The following ZNF860 variants were observed in gnomAD, a reference collection of about 807,000 sequenced individuals.
The protein encoded by ZNF860 is zinc finger protein 860.
For synonymous variants in ZNF860, 206 were observed against 248.9 expected (o/e 0.83, Z 1.62); for missense variants, 641 against 759.2 (o/e 0.84, Z 1.83).
chr3:31,992,382 G>A (rs181628362), downstream of ZNF860, among the ~76,000 whole-genome samples: 17 of 152,114 alleles, frequency 1.1e-4, no homozygotes, highest in Non-Finnish European at 1.6e-4. Context: ...TTATTTTACC[G>A]TTCTGGCAGT....
chr3:32,000,816 A>T, the ZNF860 span, among the ~76,000 whole-genome samples: 2 of 152,174 alleles, frequency 1.3e-5, no homozygotes, highest in Non-Finnish European at 2.9e-5. Context: ...GACTCCGGCC[A>T]TGCGGTTCAC....
chr3:31,998,494 T>C, the ZNF860 span, among the ~76,000 whole-genome samples: 1 of 152,234 alleles, frequency 6.6e-6, no homozygotes, highest in South Asian at 2.1e-4. Context: ...TCACAACTAC[T>C]GTATATTAAC....
At chr3:31,985,236 C>T (rs983752418) in intron 1 of ZNF860, among the ~76,000 whole-genome samples, 3 of 152,130 alleles carry the variant, frequency 2.0e-5, no homozygotes, top group African/African-American at 7.2e-5. Flanking sequence ...AAGACTCCAT[C>T]TCAAAAAATG....
At chr3:32,006,206 A>T in the ZNF860 span, among the ~76,000 whole-genome samples, 1 of 152,146 alleles carries the variant, frequency 6.6e-6, no homozygotes, top group South Asian at 2.1e-4. Flanking sequence ...TCGGCCTCTC[A>T]AAGTGCTGGG....
downstream of ZNF860, among the ~76,000 whole-genome samples, chr3:31,994,491 AG>A (rs1699067947): frequency 2.7e-5 from 4 of 149,648 alleles, no homozygotes; most frequent in Non-Finnish European, 4.4e-5. Flanking sequence ...AGGGAAAAAA[AG>A]GATGGATGGA....
the ZNF860 span, among the ~76,000 whole-genome samples, chr3:32,004,174 C>A: frequency 6.6e-6 from 1 of 152,084 alleles, no homozygotes. Context: ...TGTTGGCACC[C>A]TTTGTTAGAG....
the ZNF860 span, among the ~76,000 whole-genome samples, chr3:31,998,749 T>C: frequency 6.6e-6 from 1 of 152,368 alleles, no homozygotes. Flanking sequence ...CTCCTATTCC[T>C]GCATTTTCCT....
At position 31,991,263 on chromosome 3, in the gene ZNF860, G is replaced by C. The variant is rs770593826; in HGVS notation, c.*285G>C. ...GAGTTTGAGACCATCCTGGCCAAAA[G>C]ACGTGAGCCACTTTTCCTAGCCTGT... On this transcript the variant is annotated 3_prime_UTR_variant, in exon 2 of 2. Coordinates refer to ENST00000360311, the MANE Select transcript of ZNF860 (RefSeq NM_001137674.3). 38 of 339,850 alleles carry C rather than the reference G, an allele frequency of 1.1e-4. No homozygotes were observed. Among genetic ancestry groups the C allele is most frequent in the Non-Finnish European group, 1.6e-4 (29 of 179,590 alleles). The allele number at this position is 339,850 out of a possible 1,614,324, so 21.1% of individuals were successfully genotyped here.
chr3:31,984,080 C>T (rs1243216283), intron 1 of ZNF860, among the ~76,000 whole-genome samples: 3 of 152,080 alleles, frequency 2.0e-5, no homozygotes, highest in Non-Finnish European at 2.9e-5. Context: ...CTCTGTCACC[C>T]AGGCTGGAGT....
the ZNF860 span, among the ~76,000 whole-genome samples, chr3:32,000,613 C>T: frequency 6.6e-6 from 1 of 152,238 alleles, no homozygotes; most frequent in Non-Finnish European, 1.5e-5. Flanking sequence ...GGGCTGTTCT[C>T]AGCACGGTTT....
chr3:31,988,982 T>C lies in ZNF860; in HGVS notation c.-98T>C. 6.6e-7 allele frequency: 1 copy of C among 1,508,386 alleles called. No individual in the cohort carries two copies. The highest frequency in any genetic ancestry group is 9.0e-7 in the Non-Finnish European group (1 of 1,109,992). 93.4% of individuals were successfully genotyped at this position (1,508,386 alleles called of 1,614,324 possible). ...TTGTTGCCTTAAGCCACGAAGTTTG[T>C]GATAATTTGTTTCTCGGAAACAGAT... is the stretch of plus-strand genomic sequence containing the variant. On this transcript the variant is annotated 5_prime_UTR_variant, in exon 2 of 2. Coordinates refer to ENST00000360311, the MANE Select transcript of ZNF860 (RefSeq NM_001137674.3).
chr3:31,993,711 T>C (rs1368707778), downstream of ZNF860, among the ~76,000 whole-genome samples: 3 of 139,182 alleles, frequency 2.2e-5, no homozygotes, highest in Non-Finnish European at 4.6e-5. Flanking sequence ...CACACAAAAC[T>C]GAGGATACCA....
chr3:31,994,566 A>C (rs1180644101), downstream of ZNF860, among the ~76,000 whole-genome samples: 2 of 152,064 alleles, frequency 1.3e-5, no homozygotes, highest in East Asian at 3.9e-4. Context: ...TGCCTGCTGA[A>C]AATTTTCAGT....
At chr3:31,996,399 A>C (rs1190192798), downstream of ZNF860, among the ~76,000 whole-genome samples, 1 of 152,178 alleles carries the variant, frequency 6.6e-6, no homozygotes, top group Non-Finnish European at 1.5e-5. Flanking sequence ...GGGTTGTTTC[A>C]CTTTGAGTGT....
At chr3:32,002,955 A>T in the ZNF860 span, among the ~76,000 whole-genome samples, 1 of 152,334 alleles carries the variant, frequency 6.6e-6, no homozygotes, top group East Asian at 1.9e-4. Context: ...AGAAGCAACT[A>T]TGATGAGGGT....
Position 31,990,288 on chromosome 3 carries a change from T to C in ZNF860, c.1209T>C (p.Cys403=), listed in dbSNP as rs1282857501. The change falls in exon 2 of 2, where the codon TGT becomes TGC. Residue 403 remains cysteine (C), a synonymous_variant. Transcript: ENST00000360311. Reference sequence around the variant, plus strand: ...GGAAACTTTATAAATGTAATGATTGTCACAAAGTCTTCAGTAATGCTACAA... The same window carrying C: ...GGAAACTTTATAAATGTAATGATTGCCACAAAGTCTTCAGTAATGCTACAA... ...GIGKLYKCND[C]HKVFSNATTI... The C allele has an allele frequency of 1.2e-6, 2 of 1,614,006 alleles. No homozygotes were observed. The highest frequency in any genetic ancestry group is 1.3e-5 in the African/African-American group (1 of 74,924).
rs112501452 is a variant in ZNF860 at position 31,985,025 on chromosome 3, G to A, written c.-421+3123G>A. 7.9e-3 allele frequency among the ~76,000 whole-genome samples: 1,201 copies of A among 152,336 alleles called. 19 individuals carry two copies. The highest frequency in any genetic ancestry group is 0.027 in the African/African-American group (1,132 of 41,586). On this transcript the variant is annotated intron_variant, in intron 1 of 1. Transcript: ENST00000360311. ...AGGCCAAGGTGGGCGGGTCACGTGA[G>A]GTCAGGCGTTCAAGACCAGCCTGGC...
chr3:32,005,321 G>A, the ZNF860 span, among the ~76,000 whole-genome samples: 1 of 152,064 alleles, frequency 6.6e-6, no homozygotes, highest in Non-Finnish European at 1.5e-5. Flanking sequence ...TATTCCACAG[G>A]TTGTATCTAT....
chr3:31,987,112 GTA>G (rs974043873), intron 1 of ZNF860, among the ~76,000 whole-genome samples: 1 of 134,566 alleles, frequency 7.4e-6, no homozygotes, highest in Admixed American at 7.4e-5. Context: ...ATATGTATGT[GTA>G]TACACACACA....
Sources: gnomAD v4.1 joint callset for allele counts (sites outside exome capture counted in the v4.1 genomes callset) on GRCh38, gnomAD v4.1.1 for gene constraint, MANE v1.5 for transcripts, NCBI Gene and HGNC (gene_info 2026-07-23, HGNC 2026-07-21) for gene names.